PLRG1: variants seen among roughly 807,000 people sequenced by gnomAD.
PLRG1 encodes pleiotropic regulator 1 (PRL1 homolog, Arabidopsis).
In PLRG1, 28 loss-of-function variants were observed where a neutral mutation model predicts 74.9. That is an observed-to-expected ratio of 0.37 (90% CI 0.28 to 0.51). PLRG1 has a LOEUF of 0.51. Ranked by LOEUF, PLRG1 falls within the 20% of genes least tolerant of loss-of-function variation. PLRG1 has a pLI of 0.91. For synonymous variants in PLRG1, 197 were observed against 212.4 expected, an observed-to-expected ratio of 0.93 and a Z score of 0.63; for missense variants, 445 against 631.9, an observed-to-expected ratio of 0.70 and a Z score of 3.17.
chr4:154,537,414 C>T lies in PLRG1; in HGVS notation c.1357G>A (p.Ala453Thr). ...CTGTCCAAAGACCCAGGTTGCACAG[C>T]TGCGTGAACTCTCTGAAAATTGTAG... Reference protein sequence around the residue: ...TGYNFQRVHAAVQPGSLDSES... With the variant: ...TGYNFQRVHATVQPGSLDSES... The change falls in exon 14 of 15, where the codon GCT (alanine) becomes ACT (threonine). Residue 453 changes from alanine to threonine, a missense_variant. Transcript: ENST00000499023. 2 of 1,613,376 alleles carry T rather than the reference C, an allele frequency of 1.2e-6. No homozygotes were observed. Among genetic ancestry groups the T allele is most frequent in the Non-Finnish European group, 1.7e-6 (2 of 1,179,496 alleles).
rs1161688389 is a variant in PLRG1 at position 154,535,084 on chromosome 4, AC to A, written c.*1600del. 1 of 152,104 alleles carries A rather than the reference AC, an allele frequency of 6.6e-6. No individual in the cohort carries two copies. The highest frequency in any genetic ancestry group is 2.4e-5 in the African/African-American group (1 of 41,436). 9.4% of individuals were successfully genotyped at this position (152,104 alleles called of 1,614,324 possible). A position where few individuals can be genotyped will look rare whatever the true frequency, so the allele number is the denominator to read the frequency against. ...AAACATTATAGAAATATGTAAAGCC[AC>A]CCATGAAAGTTCTTCCATAATTCTG... On this transcript the variant is annotated 3_prime_UTR_variant, in exon 15 of 15. Coordinates refer to ENST00000499023, the MANE Select transcript of PLRG1 (RefSeq NM_002669.4).
At chr4:154,537,264 G>C in intron 14 of PLRG1, 22 bp downstream of exon 14, 2 of 1,536,496 alleles carry the variant, frequency 1.3e-6, no homozygotes, top group East Asian at 4.5e-5. Context: ...TTTACTTAAC[G>C]AATGTGAAAC....
chr4:154,542,416 G>A (rs1221441955), intron 7 of PLRG1, 137 bp from the exon 8 acceptor site: 1 of 613,584 alleles, frequency 1.6e-6, no homozygotes, highest in Non-Finnish European at 3.0e-6. Context: ...ACAATAATAT[G>A]AAATTATCTT....
At position 154,544,442 on chromosome 4, in the gene PLRG1, C is replaced by G; in HGVS notation, c.594+3G>C. The G allele has an allele frequency of 6.6e-7, 1 of 1,522,148 alleles. No individual in the cohort carries two copies. Among genetic ancestry groups the G allele is most frequent in the Non-Finnish European group, 9.1e-7 (1 of 1,096,402 alleles). The allele number at this position is 1,522,148 out of a possible 1,614,324, so 94.3% of individuals were successfully genotyped here. Reference sequence around the variant, plus strand: ...ATAATAAAATAAATGCAGAGTCACTCACCCTGTAGAGTTTCCACGGTGGGT... The same window carrying G: ...ATAATAAAATAAATGCAGAGTCACTGACCCTGTAGAGTTTCCACGGTGGGT... On this transcript the variant is annotated splice_donor_region_variant and intron_variant, in intron 7 of 14. Coordinates refer to ENST00000499023, the MANE Select transcript of PLRG1 (RefSeq NM_002669.4).
chr4:154,547,647 A>G, intron 3 of PLRG1, 64 bp downstream of exon 3: 2 of 1,479,712 alleles, frequency 1.4e-6, no homozygotes, highest in Middle Eastern at 1.7e-4. Flanking sequence ...AAAATAACAT[A>G]TTTTATTTTT....
At position 154,535,614 on chromosome 4, in the gene PLRG1, T is replaced by C. The variant is rs1024054165; in HGVS notation, c.*1071A>G. ...TTCTTATAACTGTGTTTTCTAATTA[T>C]AGAAGGTGAAGTCTGACAAATCTTG... On this transcript the variant is annotated 3_prime_UTR_variant, in exon 15 of 15. Transcript: ENST00000499023. 2 of 151,858 alleles carry C rather than the reference T, an allele frequency of 1.3e-5. No individual in the cohort carries two copies. Among genetic ancestry groups the C allele is most frequent in the Admixed American group, 1.3e-4 (2 of 15,210 alleles). 9.4% of individuals were successfully genotyped at this position (151,858 alleles called of 1,614,324 possible).
rs1338815286 is a variant in PLRG1 at position 154,535,251 on chromosome 4, C to T, written c.*1434G>A. Reference sequence around the variant, plus strand: ...TAATAATCCAGACATTCCTCACTCTCTTAACGAATACTTAGAAACAAATTG... The same window carrying T: ...TAATAATCCAGACATTCCTCACTCTTTTAACGAATACTTAGAAACAAATTG... On this transcript the variant is annotated 3_prime_UTR_variant, in exon 15 of 15. Coordinates refer to ENST00000499023, the MANE Select transcript of PLRG1 (RefSeq NM_002669.4). The T allele has an allele frequency of 6.6e-6, 1 of 151,788 alleles. No homozygotes were observed. The highest frequency in any genetic ancestry group is 1.5e-5 in the Non-Finnish European group (1 of 67,968). The allele number at this position is 151,788 out of a possible 1,614,324, so 9.4% of individuals were successfully genotyped here.
rs1729451846 is a variant in PLRG1, at chr4:154,536,444, C to A, written c.*241G>T. On this transcript the variant is annotated 3_prime_UTR_variant, in exon 15 of 15. Coordinates refer to ENST00000499023, the MANE Select transcript of PLRG1 (RefSeq NM_002669.4). The stretch of plus-strand genomic sequence containing the variant: ...TCTAGAATAGTTATGTTCAATAAAC[C>A]TGCATTTACTTGATATCTGCATCTT... 2 of 402,098 alleles carry A rather than the reference C, an allele frequency of 5.0e-6. No homozygotes were observed. Among genetic ancestry groups the A allele is most frequent in the Admixed American group, 4.3e-5 (1 of 23,160 alleles). 24.9% of individuals were successfully genotyped at this position (402,098 alleles called of 1,614,324 possible).
Position 154,544,465 on chromosome 4 carries a change from G to C in PLRG1, c.574C>G (p.Pro192Ala), listed in dbSNP as rs141267792. ...APTMPKPQWH[P>A]PWKLYRVISG... The stretch of plus-strand genomic sequence containing the variant: ...CTCACCCTGTAGAGTTTCCACGGTG[G>C]GTGCCACTGGGGTTTTGGCATTGTA... Residue 192 changes from proline to alanine, a missense_variant, in exon 7 of 15, where the codon CCA (proline) becomes GCA (alanine). Transcript: ENST00000499023. 2.6e-5 allele frequency: 41 copies of C among 1,601,298 alleles called. No individual in the cohort carries two copies. The highest frequency in any genetic ancestry group is 3.3e-5 in the Non-Finnish European group (38 of 1,168,538).
At position 154,540,015 on chromosome 4, in the gene PLRG1, T is replaced by C. The variant is rs1165118677; in HGVS notation, c.978A>G (p.Leu326=). Residue 326 remains leucine, a synonymous_variant, in exon 11 of 15, where the codon TTA becomes TTG. Transcript: ENST00000499023. ...TAGCAACTGCATTTGTATGTCCAGATAATGTGTGTACACTGGCTTTAGTTC... is the reference window on the plus strand; with the variant it reads ...TAGCAACTGCATTTGTATGTCCAGACAATGTGTGTACACTGGCTTTAGTTC... ...DVRTKASVHT[L]SGHTNAVATV... 13 of 1,602,100 alleles carry C rather than the reference T, an allele frequency of 8.1e-6. No homozygotes were observed. Among genetic ancestry groups the C allele is most frequent in the Non-Finnish European group, 1.1e-5 (13 of 1,169,122 alleles).
Position 154,544,554 on chromosome 4 carries a change from T to C in PLRG1, c.493-8A>G. The C allele has an allele frequency of 6.8e-7, 1 of 1,470,458 alleles. No individual in the cohort carries two copies. The highest frequency in any genetic ancestry group is 1.1e-5 in the South Asian group (1 of 87,854). The allele number at this position is 1,470,458 out of a possible 1,614,324, so 91.1% of individuals were successfully genotyped here. ...GCCAGTCTCCATGACAATCTAGACATAGAAGAGACATTATTATTATTAAAG... is the reference window on the plus strand; with the variant it reads ...GCCAGTCTCCATGACAATCTAGACACAGAAGAGACATTATTATTATTAAAG... On this transcript the variant is annotated splice_polypyrimidine_tract_variant and splice_region_variant and intron_variant, in intron 6 of 14. Transcript: ENST00000499023.
intron 2 of PLRG1, 44 bp from the exon 3 acceptor site, chr4:154,547,897 T>A: frequency 7.1e-7 from 1 of 1,403,232 alleles, no homozygotes. Context: ...ATAAATACTT[T>A]AAAACAAACA....
intron 10 of PLRG1, 97 bp from the exon 11 acceptor site, chr4:154,540,150 A>C (rs1729529578): frequency 1.4e-6 from 1 of 718,152 alleles, no homozygotes; most frequent in Admixed American, 2.2e-5. Flanking sequence ...TTACTACATA[A>C]CTAGTGCCTG....
intron 7 of PLRG1, among the ~76,000 whole-genome samples, chr4:154,543,519 A>G (rs913037674): frequency 2.0e-4 from 30 of 152,210 alleles, no homozygotes; most frequent in African/African-American, 6.8e-4. Flanking sequence ...GTTAGCCATA[A>G]AAATTAAAAA....
intron 7 of PLRG1, among the ~76,000 whole-genome samples, chr4:154,543,476 G>T (rs902426375): frequency 1.3e-5 from 2 of 151,932 alleles, no homozygotes; most frequent in Non-Finnish European, 2.9e-5. Context: ...TATCAAATTT[G>T]ATATGTAGCC....
Position 154,548,894 on chromosome 4 carries a change from C to G in PLRG1, c.51G>C (p.Ser17=), listed in dbSNP as rs367635024. 2 of 1,610,136 alleles carry G rather than the reference C, an allele frequency of 1.2e-6. No individual in the cohort carries two copies. The highest frequency in any genetic ancestry group is 1.7e-6 in the Non-Finnish European group (2 of 1,176,886). The part of the protein sequence containing the change: ...KHSVHTLVFR[S]LKRTHDMFVA... ...CAAACATGTCATGGGTCCTCTTCAA[C>G]GACCTGAACACAAGGGTGTGTACAG... The change falls in exon 2 of 15, where the codon TCG becomes TCC. Residue 17 remains serine, a synonymous_variant. Transcript: ENST00000499023.
chr4:154,537,936 C>A, intron 13 of PLRG1, 33 bp downstream of exon 13: 1 of 1,245,188 alleles, frequency 8.0e-7, no homozygotes, highest in Non-Finnish European at 1.1e-6. Flanking sequence ...AAATAACAGA[C>A]TAAACATATT....
intron 13 of PLRG1, 129 bp from the exon 14 acceptor site, chr4:154,537,608 C>T (rs1729474760): frequency 1.7e-6 from 1 of 600,518 alleles, no homozygotes; most frequent in South Asian, 2.4e-5. Context: ...ACAGGCACTC[C>T]ACCTTCTCTT....
intron 6 of PLRG1, among the ~76,000 whole-genome samples, chr4:154,545,275 G>C (rs1729630558): frequency 6.6e-6 from 1 of 152,188 alleles, no homozygotes; most frequent in African/African-American, 2.4e-5. Context: ...ATAATGAGCT[G>C]AGAAGCAAAA....
Sources: gnomAD v4.1 joint callset for allele counts (sites outside exome capture counted in the v4.1 genomes callset) on GRCh38, gnomAD v4.1.1 for gene constraint, MANE v1.5 for transcripts, NCBI Gene and HGNC (gene_info 2026-07-23, HGNC 2026-07-21) for gene names.